The following NLRP13 variants were observed in gnomAD, a reference collection of about 807,000 sequenced individuals.
NLRP13 encodes NLR family pyrin domain containing 13, also known as NACHT, LRR and PYD domains-containing protein 13.
Under a neutral mutation model 94.4 loss-of-function variants are expected in NLRP13, and 82 were observed. That is an observed-to-expected ratio of 0.87 (90% confidence interval 0.73 to 1.04). The LOEUF is 1.04. NLRP13 is among the 50% of genes least tolerant of loss of function. The pLI is 0.00. For synonymous variants in NLRP13, 553 were observed against 464.7 expected, an observed-to-expected ratio of 1.19 and a Z score of -2.45; for missense variants, 1,426 against 1,230.8, an observed-to-expected ratio of 1.16 and a Z score of -2.37.
intron 10 of NLRP13, among the ~76,000 whole-genome samples, chr19:55,896,528 A>AAG (rs1986015769): frequency 6.9e-6 from 1 of 145,862 alleles, no homozygotes. Flanking sequence ...CAAAAAAAAA[A>AAG]AAAAAAAGGG....
chr19:55,892,388 TAC>T (rs3073262), downstream of NLRP13, among the ~76,000 whole-genome samples: 11 of 151,306 alleles, frequency 7.3e-5, no homozygotes, highest in East Asian at 9.8e-4. Context: ...TACACACACA[TAC>T]ACACACACAT....
At chr19:55,926,164 T>C (rs2123145716) in intron 1 of NLRP13, among the ~76,000 whole-genome samples, 2 of 152,312 alleles carry the variant, frequency 1.3e-5, no homozygotes, top group East Asian at 3.9e-4. Context: ...AATCCAACGA[T>C]GTGAGCCTTC....
intron 7 of NLRP13, among the ~76,000 whole-genome samples, chr19:55,906,369 A>G (rs542261898): frequency 1.4e-5 from 2 of 147,704 alleles, no homozygotes; most frequent in African/African-American, 5.0e-5. Context: ...GATGATAGAC[A>G]GACAGACAGA....
rs773482332 is a variant in NLRP13 at position 55,895,992 on chromosome 19, A to G, written c.3085T>C (p.Cys1029Arg). 8.1e-6 allele frequency: 13 copies of G among 1,614,042 alleles called. No homozygotes were observed. The highest frequency in any genetic ancestry group is 2.2e-5 in the East Asian group (1 of 44,880). Residue 1029 changes from cysteine to arginine, a missense_variant, in exon 11 of 11, where the codon TGT becomes CGT. By Grantham distance (180) the Cys-to-Arg change is radical. Transcript: ENST00000342929. The stretch of plus-strand genomic sequence containing the variant: ...CATGTCGACTTTTTCAAAGCCTTAC[A>G]TAGCATCTTGACACCATCAGTATCC... ...ELDTDGVKML[C>R]KALKKSTCRL...
intron 10 of NLRP13, 71 bp downstream of exon 10, chr19:55,898,699 G>T: frequency 1.4e-6 from 2 of 1,441,052 alleles, no homozygotes; most frequent in Non-Finnish European, 1.9e-6. Flanking sequence ...CCCCCGATGG[G>T]ATCCGATCAT....
downstream of NLRP13, chr19:55,892,009 A>C (rs1985864123): frequency 1.0e-6 from 1 of 979,542 alleles, no homozygotes. Context: ...GATCACCACC[A>C]CCACTTGTCT....
At chr19:55,924,547 C>A (rs2123143238) in intron 3 of NLRP13, 43 bp downstream of exon 3, 1 of 1,374,112 alleles carries the variant, frequency 7.3e-7, no homozygotes, top group South Asian at 1.2e-5. Flanking sequence ...AACGAGTGTT[C>A]CATCAAGCAA....
At chr19:55,909,987 C>G (rs1181841134) in intron 6 of NLRP13, among the ~76,000 whole-genome samples, 1 of 152,168 alleles carries the variant, frequency 6.6e-6, no homozygotes, top group Non-Finnish European at 1.5e-5. Context: ...TACATCCTTT[C>G]TGAGCCCCCA....
intron 1 of NLRP13, among the ~76,000 whole-genome samples, chr19:55,928,291 G>A (rs1346232425): frequency 6.6e-6 from 1 of 152,208 alleles, no homozygotes; most frequent in Admixed American, 6.5e-5. Context: ...ATAAATGCTT[G>A]ACGGGAGGGA....
intron 8 of NLRP13, among the ~76,000 whole-genome samples, chr19:55,904,727 G>A (rs184292392): frequency 2.6e-5 from 4 of 152,244 alleles, no homozygotes; most frequent in African/African-American, 9.6e-5. Flanking sequence ...TGGGGTCCTC[G>A]TGGAAATTAA....
In NLRP13 at chr19:55,911,926, G is replaced by A. The variant is rs1262471166; in HGVS notation, c.1891C>T (p.Leu631Phe). The A allele has an allele frequency of 3.1e-6, 5 of 1,614,160 alleles. No homozygotes were observed. The highest frequency in any genetic ancestry group is 1.3e-5 in the African/African-American group (1 of 75,048). ...AAAAGTCGTAGAATGTGAAATTGGA[G>A]AGAGGCACTTTCAGCCTTACCTAAC... The part of the protein sequence containing the change: ...EELGKAESAS[L>F]QFHILRLFHC... The change falls in exon 5 of 11, where the codon CTC becomes TTC. Residue 631 changes from leucine (L) to phenylalanine (F), a missense_variant. By Grantham distance (22) the Leu-to-Phe change is conservative (BLOSUM62 0). Transcript: ENST00000342929.
chr19:55,901,736 A>T (rs1986181844), intron 9 of NLRP13, among the ~76,000 whole-genome samples: 1 of 152,014 alleles, frequency 6.6e-6, no homozygotes, highest in Admixed American at 6.6e-5. Flanking sequence ...CCCTTTGCTG[A>T]TCTGCCTTGT....
At chr19:55,913,330 TA>T (rs1904427800) in intron 4 of NLRP13, 37 bp from the exon 5 acceptor site, 1 of 1,580,958 alleles carries the variant, frequency 6.3e-7, no homozygotes, top group Non-Finnish European at 8.6e-7. Context: ...ATGGTAAGAA[TA>T]AATTTCAGAG....
chr19:55,898,893 G>C lies in NLRP13; in HGVS notation c.2834C>G (p.Ala945Gly). 1 of 1,613,442 alleles carries C rather than the reference G, an allele frequency of 6.2e-7. No individual in the cohort carries two copies. The change falls in exon 10 of 11, where the codon GCT (alanine) becomes GGT (glycine). Residue 945 changes from alanine (A) to glycine (G), a missense_variant. Transcript: ENST00000342929. Reference sequence around the variant, plus strand: ...ATTATGATTATGGCTGAGGGCATTAGCCAGCTCTCCACAGCCCTCTCTTGT... The same window carrying C: ...ATTATGATTATGGCTGAGGGCATTACCCAGCTCTCCACAGCCCTCTCTTGT... ...SFTREGCGEL[A>G]NALSHNHNVK...
At chr19:55,893,516 G>T (rs776891528), downstream of NLRP13, among the ~76,000 whole-genome samples, 1 of 152,010 alleles carries the variant, frequency 6.6e-6, no homozygotes, top group South Asian at 2.1e-4. Flanking sequence ...TTTACCCTTC[G>T]ACTGGGACCT....
intron 4 of NLRP13, among the ~76,000 whole-genome samples, chr19:55,922,130 G>C (rs977217059): frequency 6.6e-6 from 1 of 151,978 alleles, no homozygotes; most frequent in African/African-American, 2.4e-5. Flanking sequence ...CAGATCTCAG[G>C]AGACTTACTC....
chr19:55,907,756 AC>A, intron 7 of NLRP13, 35 bp downstream of exon 7: 3 of 1,606,286 alleles, frequency 1.9e-6, no homozygotes, highest in Middle Eastern at 1.7e-4. Flanking sequence ...TGGTCTTGCA[AC>A]CCCCCTTGAC....
intron 7 of NLRP13, among the ~76,000 whole-genome samples, chr19:55,905,742 C>T (rs1026398284): frequency 2.0e-5 from 3 of 151,964 alleles, no homozygotes; most frequent in African/African-American, 7.3e-5. Flanking sequence ...AGAGGACTGC[C>T]CTGTGCATTA....
At chr19:55,928,064 C>A (rs1039551575) in intron 1 of NLRP13, among the ~76,000 whole-genome samples, 25 of 152,152 alleles carry the variant, frequency 1.6e-4, no homozygotes, top group African/African-American at 5.8e-4. Flanking sequence ...AACTGCTGAG[C>A]TTTTATCGTC....
Sources: allele counts gnomAD v4.1 joint callset (sites outside exome capture counted in the v4.1 genomes callset), GRCh38; gene constraint gnomAD v4.1.1; transcripts MANE v1.5; gene names NCBI Gene and HGNC (gene_info 2026-07-23, HGNC 2026-07-21).